BMPR1B: variants seen among roughly 807,000 people sequenced by gnomAD.
BMPR1B encodes the protein bone morphogenetic protein receptor type 1B.
A neutral mutation model predicts 59.1 loss-of-function variants in BMPR1B; 12 were observed. That is an observed-to-expected ratio of 0.20 (90% CI 0.13 to 0.33). The LOEUF is 0.33. Ranked by LOEUF, BMPR1B falls within the 10% of genes least tolerant of loss-of-function variation. The pLI is 1.00. For missense variants in BMPR1B, 550 were observed against 610.9 expected (o/e 0.90, Z 1.05); for synonymous variants, 237 against 207.3 (o/e 1.14, Z -1.23).
At chr4:95,088,454 G>C (rs993238308) in intron 3 of BMPR1B, among the ~76,000 whole-genome samples, 2 of 152,000 alleles carry the variant, frequency 1.3e-5, no homozygotes, top group Non-Finnish European at 2.9e-5. Flanking sequence ...CATGATTTTA[G>C]CATGCTCAAA....
chr4:94,802,120 G>T (rs1224550830), intron 1 of BMPR1B, among the ~76,000 whole-genome samples: 1 of 152,200 alleles, frequency 6.6e-6, no homozygotes, highest in Non-Finnish European at 1.5e-5. Flanking sequence ...GTATTTAGTT[G>T]TAGTAGTTTC....
chr4:94,974,587 A>G (rs1259319632), intron 2 of BMPR1B, among the ~76,000 whole-genome samples: 2 of 152,146 alleles, frequency 1.3e-5, no homozygotes, highest in Non-Finnish European at 2.9e-5. Flanking sequence ...TTTGCTTCAC[A>G]TCTCTGTGAA....
intron 2 of BMPR1B, among the ~76,000 whole-genome samples, chr4:94,957,443 C>T (rs1449034534): frequency 6.9e-6 from 1 of 143,940 alleles, no homozygotes; most frequent in Non-Finnish European, 1.5e-5. Flanking sequence ...TCTTATAAGA[C>T]TTTAGGATGT....
chr4:94,838,037 C>T (rs1353284923), intron 1 of BMPR1B, among the ~76,000 whole-genome samples: 4 of 141,756 alleles, frequency 2.8e-5, no homozygotes, highest in African/African-American at 5.3e-5. Flanking sequence ...TTGTCTTTGG[C>T]TCTGTTTATA....
At chr4:95,049,384 G>T (rs1726271893) in intron 3 of BMPR1B, among the ~76,000 whole-genome samples, 1 of 140,478 alleles carries the variant, frequency 7.1e-6, no homozygotes, top group South Asian at 2.3e-4. Flanking sequence ...AAGTAGCTGG[G>T]ATTACAGGTA....
chr4:94,886,085 C>A (rs1727159758), intron 2 of BMPR1B, among the ~76,000 whole-genome samples: 1 of 152,018 alleles, frequency 6.6e-6, no homozygotes, highest in Non-Finnish European at 1.5e-5. Flanking sequence ...CAGGTATATG[C>A]AGTTTGTAAG....
intron 3 of BMPR1B, among the ~76,000 whole-genome samples, chr4:95,066,435 A>G (rs1727808449): frequency 6.6e-6 from 1 of 152,230 alleles, no homozygotes; most frequent in African/African-American, 2.4e-5. Context: ...TATTAATAAC[A>G]TATGATGGCA....
chr4:94,985,616 T>C (rs1721357222), intron 2 of BMPR1B, among the ~76,000 whole-genome samples: 1 of 151,936 alleles, frequency 6.6e-6, no homozygotes, highest in African/African-American at 2.4e-5. Context: ...TTCTGTTCCA[T>C]GGTAATTATT....
chr4:94,848,210 A>G (rs183295943), intron 1 of BMPR1B, among the ~76,000 whole-genome samples: 9 of 92,444 alleles, frequency 9.7e-5, no homozygotes, highest in African/African-American at 5.0e-4. Context: ...GAAGCTAGAT[A>G]TCAGTTAAGC....
At chr4:94,768,602 C>T (rs1722060953) in intron 1 of BMPR1B, among the ~76,000 whole-genome samples, 1 of 152,068 alleles carries the variant, frequency 6.6e-6, no homozygotes, top group Non-Finnish European at 1.5e-5. Flanking sequence ...AAAATACACT[C>T]ATTTCTATTG....
chr4:95,029,877 C>A (rs1454896664), intron 3 of BMPR1B, among the ~76,000 whole-genome samples: 1 of 152,194 alleles, frequency 6.6e-6, no homozygotes, highest in Non-Finnish European at 1.5e-5. Context: ...TGATGATGAG[C>A]ATTTTTTCAT....
chr4:94,797,254 CT>C (rs377640998), intron 1 of BMPR1B, among the ~76,000 whole-genome samples: 13 of 152,290 alleles, frequency 8.5e-5, no homozygotes, highest in African/African-American at 3.1e-4. Context: ...TCCCTGGGTC[CT>C]TCCCACAATA....
intron 2 of BMPR1B, among the ~76,000 whole-genome samples, chr4:94,887,103 G>T (rs1727198955): frequency 6.6e-6 from 1 of 151,782 alleles, no homozygotes; most frequent in African/African-American, 2.4e-5. Flanking sequence ...AGAAGGAAAA[G>T]GGTTAAATTA....
chr4:95,149,299 C>T (rs1355477633), intron 11 of BMPR1B, among the ~76,000 whole-genome samples: 1 of 152,144 alleles, frequency 6.6e-6, no homozygotes, highest in African/African-American at 2.4e-5. Context: ...CCATCCCCAA[C>T]TCCATTCCCT....
intron 1 of BMPR1B, among the ~76,000 whole-genome samples, chr4:94,830,572 GA>G (rs1371284037): frequency 6.6e-6 from 1 of 152,106 alleles, no homozygotes; most frequent in Non-Finnish European, 1.5e-5. Flanking sequence ...TTGCCTTTGG[GA>G]AAACTTACTT....
At chr4:95,049,703 A>G (rs193245566) in intron 3 of BMPR1B, among the ~76,000 whole-genome samples, 301 of 151,810 alleles carry the variant, frequency 2.0e-3, no homozygotes, top group Admixed American at 3.5e-3. Context: ...GTCTTTCAGC[A>G]TCCAGCTCTC....
intron 3 of BMPR1B, among the ~76,000 whole-genome samples, chr4:95,064,254 G>C (rs1727634222): frequency 6.6e-6 from 1 of 152,184 alleles, no homozygotes; most frequent in East Asian, 1.9e-4. Context: ...CCATGGACTG[G>C]TAGTCATCCC....
At chr4:94,989,740 T>C (rs1029270109) in intron 2 of BMPR1B, among the ~76,000 whole-genome samples, 1 of 152,212 alleles carries the variant, frequency 6.6e-6, no homozygotes, top group Admixed American at 6.5e-5. Flanking sequence ...TATTCATTTA[T>C]TTATTAGTTT....
At position 95,155,942 on chromosome 4, in the gene BMPR1B, T is replaced by G. The variant is rs1560699701; in HGVS notation, c.*1269T>G. ...GGCCACAAACTGTTATGGGCTGCTG[T>G]GTTTTGTTCTAAAATCAATATGGTT... On this transcript the variant is annotated 3_prime_UTR_variant, in exon 13 of 13. Transcript: ENST00000515059. 2.0e-5 allele frequency: 3 copies of G among 152,160 alleles called. No individual in the cohort carries two copies. Among genetic ancestry groups the G allele is most frequent in the Non-Finnish European group, 4.4e-5 (3 of 68,004 alleles). 9.4% of individuals were successfully genotyped at this position (152,160 alleles called of 1,614,324 possible).
Sources: allele counts gnomAD v4.1 joint callset (sites outside exome capture counted in the v4.1 genomes callset), GRCh38; gene constraint gnomAD v4.1.1; transcripts MANE v1.5; gene names NCBI Gene and HGNC (gene_info 2026-07-23, HGNC 2026-07-21).